The following PTCHD4 variants were observed in gnomAD, a reference collection of about 807,000 sequenced individuals.
The protein encoded by PTCHD4 is patched domain containing 4, also known as patched domain-containing protein 4.
PTCHD4 carries 33 observed loss-of-function variants against 58.1 expected under a neutral mutation model. The observed-to-expected ratio is 0.57, with a 90% CI of 0.43 to 0.76. The LOEUF is 0.76. Ranked by LOEUF, PTCHD4 falls within the 30% of genes least tolerant of loss-of-function variation. PTCHD4 has a pLI of 0.00. For missense variants in PTCHD4, 1,058 were observed against 1,027.1 expected (o/e 1.03, Z -0.41); for synonymous variants, 478 against 409.6 (o/e 1.17, Z -2.02).
intron 4 of PTCHD4, among the ~76,000 whole-genome samples, chr6:47,972,038 G>GA (rs914098020): frequency 1.1e-4 from 16 of 151,894 alleles, no homozygotes; most frequent in African/African-American, 3.6e-4. Flanking sequence ...GCCCAGATTT[G>GA]AAAAAAATAT....
chr6:47,871,038 G>T lies in PTCHD4; in HGVS notation c.*7265C>A, dbSNP rs528334940. ...TTCATACATTTAGTCACCCTTCTTT[G>T]CTGTAGAAACTGGTATTTTGTCTAG... On this transcript the variant is annotated 3_prime_UTR_variant, in exon 5 of 5. Transcript: ENST00000339488. Among the ~76,000 whole-genome samples, 1 of 151,630 alleles carries T rather than the reference G, an allele frequency of 6.6e-6. No homozygotes were observed. The highest frequency in any genetic ancestry group is 1.9e-4 in the East Asian group (1 of 5,140).
rs1763336387 is a variant in PTCHD4, at chr6:47,857,778, G to T, written c.*20525C>A. 6.6e-6 allele frequency among the ~76,000 whole-genome samples: 1 copy of T among 151,888 alleles called. No homozygotes were observed. Among genetic ancestry groups the T allele is most frequent in the Non-Finnish European group, 1.5e-5 (1 of 67,942 alleles). On this transcript the variant is annotated 3_prime_UTR_variant, in exon 5 of 5. Transcript: ENST00000339488. ...CATCTAGTAAAGATGACACTACATTGAGCACACAGGTATTAAACATACAAA... is the reference window on the plus strand; with the variant it reads ...CATCTAGTAAAGATGACACTACATTTAGCACACAGGTATTAAACATACAAA...
chr6:47,894,953 G>A (rs1243241422), intron 4 of PTCHD4, among the ~76,000 whole-genome samples: 2 of 152,034 alleles, frequency 1.3e-5, no homozygotes, highest in Non-Finnish European at 2.9e-5. Flanking sequence ...CCAACATGGT[G>A]AAACCTCGTC....
intron 1 of PTCHD4, among the ~76,000 whole-genome samples, chr6:48,080,306 G>T (rs902227214): frequency 1.2e-4 from 19 of 152,176 alleles, no homozygotes; most frequent in African/African-American, 4.1e-4. Context: ...TTATATGACT[G>T]TTCACATGCC....
At chr6:48,099,612 A>G (rs1765555326) in intron 1 of PTCHD4, among the ~76,000 whole-genome samples, 1 of 152,216 alleles carries the variant, frequency 6.6e-6, no homozygotes, top group African/African-American at 2.4e-5. Flanking sequence ...TCCTACAAGC[A>G]ATGTACTTGT....
intron 4 of PTCHD4, among the ~76,000 whole-genome samples, chr6:47,961,071 G>A (rs1340495613): frequency 6.7e-6 from 1 of 149,680 alleles, no homozygotes; most frequent in African/African-American, 2.5e-5. Flanking sequence ...AGCACTTACC[G>A]CAACATATCA....
At chr6:48,016,397 A>T (rs2114100943) in intron 3 of PTCHD4, among the ~76,000 whole-genome samples, 1 of 152,158 alleles carries the variant, frequency 6.6e-6, no homozygotes, top group East Asian at 1.9e-4. Flanking sequence ...TCTCACTCTC[A>T]TTGCACTGTG....
chr6:48,075,234 A>C (rs1219197842), intron 1 of PTCHD4, among the ~76,000 whole-genome samples: 1 of 152,178 alleles, frequency 6.6e-6, no homozygotes, highest in South Asian at 2.1e-4. Context: ...TGTTTGCTTA[A>C]AGCCTATGAT....
chr6:47,934,190 C>A (rs1056074074), intron 4 of PTCHD4, among the ~76,000 whole-genome samples: 1 of 152,220 alleles, frequency 6.6e-6, no homozygotes, highest in Middle Eastern at 3.4e-3. Context: ...AGGGAGGAGC[C>A]GGGACCCTCC....
At chr6:48,007,957 C>G (rs1049274180) in intron 4 of PTCHD4, among the ~76,000 whole-genome samples, 2 of 152,038 alleles carry the variant, frequency 1.3e-5, no homozygotes, top group African/African-American at 4.8e-5. Context: ...CACACACACA[C>G]ACACACGCAC....
At chr6:48,075,997 C>G (rs553913118) in intron 1 of PTCHD4, among the ~76,000 whole-genome samples, 2 of 152,328 alleles carry the variant, frequency 1.3e-5, no homozygotes, top group South Asian at 4.1e-4. Flanking sequence ...GATCGCATTT[C>G]ACCCACTGCG....
In PTCHD4 at chr6:47,869,824, G is replaced by A. The variant is rs759674496; in HGVS notation, c.*8479C>T. Among the ~76,000 whole-genome samples the A allele has an allele frequency of 6.6e-6, 1 of 151,616 alleles. No individual in the cohort carries two copies. Among genetic ancestry groups the A allele is most frequent in the East Asian group, 1.9e-4 (1 of 5,154 alleles). On this transcript the variant is annotated 3_prime_UTR_variant, in exon 5 of 5. Transcript: ENST00000339488. The stretch of plus-strand genomic sequence containing the variant: ...ACATTGTGATGTTATAAGATGTTTT[G>A]TTTAGGAAGTTTAATTCTTAGCCTA...
At chr6:47,976,962 A>G (rs913146210) in intron 4 of PTCHD4, among the ~76,000 whole-genome samples, 4 of 152,188 alleles carry the variant, frequency 2.6e-5, no homozygotes, top group African/African-American at 9.7e-5. Context: ...GAGAAGATAA[A>G]GTAACATAAC....
intron 1 of PTCHD4, among the ~76,000 whole-genome samples, chr6:48,102,268 A>C (rs1480462712): frequency 6.6e-6 from 1 of 152,198 alleles, no homozygotes; most frequent in African/African-American, 2.4e-5. Context: ...TACCAAATGA[A>C]ACTCCTGACC....
At chr6:48,089,016 A>C (rs968412599) in intron 1 of PTCHD4, among the ~76,000 whole-genome samples, 2 of 152,142 alleles carry the variant, frequency 1.3e-5, no homozygotes, top group Non-Finnish European at 2.9e-5. Context: ...ATTGCACTCC[A>C]GCCTAGGCAG....
rs1763609048 is a variant in PTCHD4 at position 47,867,740 on chromosome 6, T to C, written c.*10563A>G. Among the ~76,000 whole-genome samples, 1 of 151,758 alleles carries C rather than the reference T, an allele frequency of 6.6e-6. No individual in the cohort carries two copies. The highest frequency in any genetic ancestry group is 2.4e-5 in the African/African-American group (1 of 41,382). ...AATCTTACCCACACTTCAATGTGGA[T>C]CAGTTCATAATTCCTTCCTTACTTT... On this transcript the variant is annotated 3_prime_UTR_variant, in exon 5 of 5. Transcript: ENST00000339488.
chr6:47,977,481 C>T (rs910962885), intron 4 of PTCHD4, among the ~76,000 whole-genome samples: 2 of 152,108 alleles, frequency 1.3e-5, no homozygotes, highest in Non-Finnish European at 1.5e-5. Context: ...ACTCCAACAG[C>T]CTGCAAGGAA....
chr6:47,967,369 C>G (rs568466315), intron 4 of PTCHD4, among the ~76,000 whole-genome samples: 1 of 152,252 alleles, frequency 6.6e-6, no homozygotes, highest in South Asian at 2.1e-4. Context: ...TTTGTTGTTA[C>G]CTTTATAGAG....
Position 48,105,235 on chromosome 6 carries a change from A to AAATTATGAC in PTCHD4, c.-970+5805_-970+5813dup, listed in dbSNP as rs1765693723. ...CTCCTCAGCACATGTAAAAGATCAG[A>AAATTATGAC]AATTATGACAAACTGTCTCTCAGAC... On this transcript the variant is annotated intron_variant, in intron 1 of 4. Transcript: ENST00000339488. Among the ~76,000 whole-genome samples, 3 of 151,886 alleles carry AAATTATGAC rather than the reference A, an allele frequency of 2.0e-5. No homozygotes were observed. In the South Asian group the frequency reaches 6.3e-4, roughly 32 times the overall value.
Sources: gnomAD v4.1 joint callset for allele counts (sites outside exome capture counted in the v4.1 genomes callset) on GRCh38, gnomAD v4.1.1 for gene constraint, MANE v1.5 for transcripts, NCBI Gene and HGNC (gene_info 2026-07-23, HGNC 2026-07-21) for gene names.